Variants in HPRT1 observed in about 807,000 individuals in gnomAD.
HPRT1 encodes the protein hypoxanthine phosphoribosyltransferase 1, also known as hypoxanthine-guanine phosphoribosyltransferase.
HPRT1 carries 4 observed loss-of-function variants against 19.0 expected under a neutral mutation model. The ratio of observed to expected loss-of-function variants is 0.21; its 90% CI spans 0.10 to 0.48. The LOEUF (loss-of-function observed/expected upper bound fraction) is 0.48. Among genes scored for constraint, HPRT1 ranks in the 20% least tolerant of loss-of-function variants. The pLI, the probability that HPRT1 is intolerant of heterozygous loss-of-function variation, is 0.98. For synonymous variants in HPRT1, 53 were observed against 54.9 expected (o/e 0.97, Z 0.15); for missense variants, 65 against 164.0 (o/e 0.40, Z 3.30).
intron 1 of HPRT1, among the ~76,000 whole-genome samples, chrX:134,466,027 G>T (rs1284562240): frequency 9.2e-6 from 1 of 109,194 alleles, no homozygotes; most frequent in Non-Finnish European, 1.9e-5. Flanking sequence ...CTAACCCCCA[G>T]TGTGATGGTA....
chrX:134,496,904 T>A (rs1001507784), intron 6 of HPRT1, among the ~76,000 whole-genome samples: 4 of 111,998 alleles, frequency 3.6e-5, no homozygotes, highest in African/African-American at 1.3e-4. Flanking sequence ...TCCAGCTCTT[T>A]AAACATATAT....
At chrX:134,493,373 G>A in intron 5 of HPRT1, 135 bp from the exon 6 acceptor site, 1 of 526,176 alleles carries the variant, frequency 1.9e-6, no homozygotes, top group Non-Finnish European at 3.4e-6. Context: ...ATAGATTCCA[G>A]AATATCTCCA....
chrX:134,464,977 A>G (rs759537346), intron 1 of HPRT1, among the ~76,000 whole-genome samples: 57 of 108,733 alleles, frequency 5.2e-4, no homozygotes, highest in Admixed American at 8.0e-4. Flanking sequence ...CTGTAGTGCA[A>G]TGGTGCAATC....
At chrX:134,472,153 T>C (rs913567080) in intron 1 of HPRT1, among the ~76,000 whole-genome samples, 2 of 110,036 alleles carry the variant, frequency 1.8e-5, no homozygotes, top group Non-Finnish European at 3.8e-5. Context: ...ACAAAGTTTT[T>C]TGTAGGGACG....
At chrX:134,463,096 G>A (rs896505685) in intron 1 of HPRT1, among the ~76,000 whole-genome samples, 4 of 111,735 alleles carry the variant, frequency 3.6e-5, no homozygotes, top group African/African-American at 1.3e-4. Context: ...TACATAACAG[G>A]TACCCTTTAG....
intron 1 of HPRT1, 105 bp from the exon 2 acceptor site, chrX:134,473,254 A>C: frequency 1.8e-6 from 1 of 547,542 alleles, no homozygotes. Flanking sequence ...ATCATCTTAC[A>C]CCTAAATTTC....
Position 134,464,663 on chromosome X carries a change from C to T in HPRT1, c.27+4325C>T, listed in dbSNP as rs780824882. 3.0e-4 allele frequency among the ~76,000 whole-genome samples: 33 copies of T among 110,984 alleles called. No homozygotes were observed. The South Asian group carries it at 8.8e-3, about 30-fold the overall frequency. On this transcript the variant is annotated intron_variant, in intron 1 of 8. Coordinates refer to ENST00000298556, the MANE Select transcript of HPRT1 (RefSeq NM_000194.3). ...TGCAATCTCGGCTCACTCTAGCCACCGACTCCCTGGTTCAAGCGATTCTCC... is the reference window on the plus strand; with the variant it reads ...TGCAATCTCGGCTCACTCTAGCCACTGACTCCCTGGTTCAAGCGATTCTCC...
chrX:134,460,326 C>T lies in HPRT1; in HGVS notation c.15C>T (p.Ser5=). ...CCGGCTCCGTTATGGCGACCCGCAG[C>T]CCTGGCGTCGTGGTGAGCAGCTCGG... MATR[S]PGVVISDDEP... Residue 5 remains serine, a synonymous_variant, in exon 1 of 9, where the codon AGC becomes AGT. Transcript: ENST00000298556. The T allele has an allele frequency of 8.9e-7, 1 of 1,129,665 alleles. No homozygotes were observed. The highest frequency in any genetic ancestry group is 1.2e-6 in the Non-Finnish European group (1 of 858,904). 93.1% of individuals were successfully genotyped at this position (1,129,665 alleles called of 1,213,427 possible). A position where few individuals can be genotyped will look rare whatever the true frequency, so the allele number is the denominator to read the frequency against.
chrX:134,490,974 C>T (rs1029233822), intron 5 of HPRT1, among the ~76,000 whole-genome samples: 1 of 102,360 alleles, frequency 9.8e-6, no homozygotes, highest in African/African-American at 3.6e-5. Context: ...TTATCACTAA[C>T]AGCCTCTCTC....
chrX:134,488,465 G>A (rs185251663), intron 4 of HPRT1, among the ~76,000 whole-genome samples: 1 of 110,791 alleles, frequency 9.0e-6, no homozygotes, highest in East Asian at 2.8e-4. Context: ...GTATTTTTGT[G>A]TGCAGATATA....
intron 3 of HPRT1, 33 bp from the exon 4 acceptor site, chrX:134,486,432 T>G: frequency 1.3e-6 from 1 of 759,882 alleles, no homozygotes. Context: ...TGTGTAGATA[T>G]ATATATATAT....
intron 1 of HPRT1, among the ~76,000 whole-genome samples, chrX:134,468,963 G>A (rs2077604155): frequency 9.2e-6 from 1 of 109,145 alleles, no homozygotes; most frequent in South Asian, 4.0e-4. Context: ...TTGCTCTGTT[G>A]CCCAGGCTGG....
At chrX:134,487,374 A>G (rs937847057) in intron 4 of HPRT1, among the ~76,000 whole-genome samples, 3 of 108,666 alleles carry the variant, frequency 2.8e-5, no homozygotes, top group African/African-American at 1.0e-4. Context: ...GTAACCAATA[A>G]TAAATGATGG....
At chrX:134,485,288 A>G (rs1197883078) in intron 3 of HPRT1, among the ~76,000 whole-genome samples, 1 of 111,660 alleles carries the variant, frequency 9.0e-6, no homozygotes, top group Non-Finnish European at 1.9e-5. Flanking sequence ...ATTTGTGTTC[A>G]TTCTCCATTT....
intron 1 of HPRT1, among the ~76,000 whole-genome samples, chrX:134,463,787 G>A (rs1218383376): frequency 1.8e-5 from 2 of 111,571 alleles, no homozygotes; most frequent in African/African-American, 6.5e-5. Context: ...CTACCTTTCT[G>A]TAATTTTATA....
At chrX:134,463,347 G>T (rs1318549367) in intron 1 of HPRT1, among the ~76,000 whole-genome samples, 4 of 111,700 alleles carry the variant, frequency 3.6e-5, no homozygotes, top group Non-Finnish European at 7.5e-5. Context: ...TTCGGGGATG[G>T]TAGTCCTAGA....
intron 1 of HPRT1, among the ~76,000 whole-genome samples, chrX:134,472,533 A>T (rs1403141093): frequency 8.9e-6 from 1 of 111,958 alleles, no homozygotes; most frequent in East Asian, 2.8e-4. Context: ...CTTGACTAAG[A>T]TGACTAAGAC....
chrX:134,492,769 G>A (rs2077671078), intron 5 of HPRT1, among the ~76,000 whole-genome samples: 1 of 111,622 alleles, frequency 9.0e-6, no homozygotes, highest in South Asian at 3.8e-4. Context: ...TTCTGTGTGT[G>A]TACACCAGGA....
intron 6 of HPRT1, 59 bp from the exon 7 acceptor site, chrX:134,498,331 T>C: frequency 8.7e-6 from 8 of 922,432 alleles, no homozygotes; most frequent in Non-Finnish European, 1.3e-5. Flanking sequence ...GTCAGTCTTC[T>C]CTTTTGTAAT....
Sources: allele counts gnomAD v4.1 joint callset (sites outside exome capture counted in the v4.1 genomes callset), GRCh38; gene constraint gnomAD v4.1.1; transcripts MANE v1.5; gene names NCBI Gene and HGNC (gene_info 2026-07-23, HGNC 2026-07-21).